The following ZC3H7A variants were observed in gnomAD, a reference collection of about 807,000 sequenced individuals.
ZC3H7A encodes zinc finger CCCH domain-containing protein 7A.
ZC3H7A carries 44 observed loss-of-function variants against 125.5 expected under a neutral mutation model. The ratio of observed to expected loss-of-function variants is 0.35; its 90% CI spans 0.28 to 0.45. The LOEUF (loss-of-function observed/expected upper bound fraction) is 0.45. Ranked by LOEUF, ZC3H7A falls within the 20% of genes least tolerant of loss-of-function variation. ZC3H7A has a pLI of 1.00. For missense variants in ZC3H7A, 977 were observed against 1,170.7 expected, an observed-to-expected ratio of 0.83 and a Z score of 2.41; for synonymous variants, 399 against 391.2, an observed-to-expected ratio of 1.02 and a Z score of -0.23.
intron 1 of ZC3H7A, among the ~76,000 whole-genome samples, chr16:11,788,528 C>G: frequency 6.6e-6 from 1 of 152,166 alleles, no homozygotes; most frequent in East Asian, 1.9e-4. Context: ...TTTGCCCTTC[C>G]GCCCGTTTGC....
chr16:11,763,710 AATATATATATATATATATATATATAT>A (rs55932357), intron 15 of ZC3H7A, 51 bp from the exon 16 acceptor site: 8,303 of 228,692 alleles, frequency 0.036, 489 homozygotes, highest in African/African-American at 0.086. Flanking sequence ...AGATTTTTCA[AATATATATATATATATATATATATAT>A]ATATATATAT....
rs1181814510 is a variant in ZC3H7A, at chr16:11,784,557, C to CA, written c.-34-2170dup. Among the ~76,000 whole-genome samples the CA allele has an allele frequency of 4.0e-5, 6 of 151,824 alleles. No individual in the cohort carries two copies. In the Middle Eastern group the frequency reaches 0.01, roughly 258 times the overall value. On this transcript the variant is annotated intron_variant, in intron 1 of 22. Coordinates refer to ENST00000355758, the MANE Select transcript of ZC3H7A (RefSeq NM_014153.4). The stretch of plus-strand genomic sequence containing the variant: ...AACACAGGGAGACCCCCTATCTCTA[C>CA]AAAAAATTTTAAAAGAGGCCGGGCG...
rs778174564 is a variant in ZC3H7A, at chr16:11,770,966, G to A, written c.925C>T (p.Pro309Ser). 15 of 1,611,140 alleles carry A rather than the reference G, an allele frequency of 9.3e-6. No homozygotes were observed. The highest frequency in any genetic ancestry group is 1.2e-5 in the Non-Finnish European group (14 of 1,179,004). The change falls in exon 10 of 23, where the codon CCC becomes TCC. Residue 309 changes from proline to serine, a missense_variant. Pro to Ser is a moderately conservative substitution (Grantham distance 74). Around this residue, in one of 3 missense-constraint regions of ZC3H7A, gnomAD observed 342 missense variants for 311.3 expected, o/e 1.10. Coordinates refer to ENST00000355758, the MANE Select transcript of ZC3H7A (RefSeq NM_014153.4). ...TVMPSALVRGPLQTASVSPSM... is the reference protein window; with the variant it reads ...TVMPSALVRGSLQTASVSPSM... ...GGAGAGACACTGGCTGTCTGAAGGGGTCCTCTGACTAAAGCTGACGGCTGC... is the reference window on the plus strand; with the variant it reads ...GGAGAGACACTGGCTGTCTGAAGGGATCCTCTGACTAAAGCTGACGGCTGC...
chr16:11,760,791 T>C (rs540285825), intron 19 of ZC3H7A, among the ~76,000 whole-genome samples: 2 of 152,218 alleles, frequency 1.3e-5, no homozygotes, highest in Non-Finnish European at 2.9e-5. Flanking sequence ...GCTCAGACAA[T>C]CATCTTCAAG....
chr16:11,765,144 C>A lies in ZC3H7A; in HGVS notation c.1729G>T (p.Asp577Tyr), dbSNP rs2052832664. The part of the protein sequence containing the change: ...EFIFLCEKCF[D>Y]HKPRMISKRN... ...TTACTTATCATTCTAGGCTTATGAT[C>A]AAAACATTTCTGGAATAGAGAGAGA... is the stretch of plus-strand genomic sequence containing the variant. The change falls in exon 15 of 23, where the codon GAT (aspartate) becomes TAT (tyrosine). Residue 577 changes from aspartate (D) to tyrosine (Y), a missense_variant. Asp to Tyr is a radical substitution (Grantham distance 160). Coordinates refer to ENST00000355758, the MANE Select transcript of ZC3H7A (RefSeq NM_014153.4). This position sits in a 1 kb window ranked among gnomAD's most constrained non-coding sequence, Gnocchi z 4.8. The A allele has an allele frequency of 6.5e-7, 1 of 1,532,822 alleles. No individual in the cohort carries two copies. The highest frequency in any genetic ancestry group is 8.8e-7 in the Non-Finnish European group (1 of 1,135,932). 95.0% of individuals were successfully genotyped at this position (1,532,822 alleles called of 1,614,324 possible). A position where few individuals can be genotyped will look rare whatever the true frequency, so the allele number is the denominator to read the frequency against.
chr16:11,789,495 C>A (rs971866544), intron 1 of ZC3H7A, among the ~76,000 whole-genome samples: 1 of 152,056 alleles, frequency 6.6e-6, no homozygotes, highest in African/African-American at 2.4e-5. Context: ...CTCAGGTGAT[C>A]GGCCTGCCTT....
chr16:11,767,517 A>C lies in ZC3H7A; in HGVS notation c.1422T>G (p.Ile474Met). Residue 474 changes from isoleucine to methionine, a missense_variant, in exon 13 of 23, where the codon ATT becomes ATG. By Grantham distance (10) the Ile-to-Met change is conservative (BLOSUM62 1). This residue lies in a region of ZC3H7A where 342 missense variants were observed against 311.3 expected (regional missense o/e 1.10). Coordinates refer to ENST00000355758, the MANE Select transcript of ZC3H7A (RefSeq NM_014153.4). ...ANIDHKCKKD[I>M]LIGRIKNVED... The stretch of plus-strand genomic sequence containing the variant: ...CAACATTCTTTATCCTACCGATTAA[A>C]ATATCTTTCTTACACTTATGATCTA... 6.2e-7 allele frequency: 1 copy of C among 1,612,798 alleles called. No homozygotes were observed. Among genetic ancestry groups the C allele is most frequent in the South Asian group, 1.1e-5 (1 of 90,896 alleles).
intron 4 of ZC3H7A, among the ~76,000 whole-genome samples, chr16:11,778,762 G>A (rs184703891): frequency 1.3e-5 from 2 of 152,080 alleles, no homozygotes; most frequent in African/African-American, 4.8e-5. Context: ...CGCCCAGGCT[G>A]GAGTGCAGTG....
intron 20 of ZC3H7A, 36 bp downstream of exon 20, chr16:11,758,395 A>C: frequency 6.7e-7 from 1 of 1,485,460 alleles, no homozygotes; most frequent in Non-Finnish European, 9.4e-7. Flanking sequence ...CTTTCAGGCA[A>C]GCTAGCTCAA....
chr16:11,784,012 G>T (rs1238716994), intron 1 of ZC3H7A, among the ~76,000 whole-genome samples: 4 of 151,942 alleles, frequency 2.6e-5, no homozygotes, highest in Non-Finnish European at 5.9e-5. Flanking sequence ...GGAGGAAACA[G>T]CAGAATGCTG....
intron 19 of ZC3H7A, among the ~76,000 whole-genome samples, 189 bp downstream of exon 19, chr16:11,761,213 CCAAT>C (rs1369485509): frequency 6.6e-6 from 1 of 152,044 alleles, no homozygotes; most frequent in African/African-American, 2.4e-5. Flanking sequence ...TCATAAAATT[CCAAT>C]CAATATGAAA....
chr16:11,790,079 C>CAAAAAAAAAAA (rs150579733), intron 1 of ZC3H7A, among the ~76,000 whole-genome samples: 1 of 73,552 alleles, frequency 1.4e-5, no homozygotes, highest in Non-Finnish European at 2.7e-5. Context: ...GACTCCATCT[C>CAAAAAAAAAAA]AAAAAAAAAA....
chr16:11,795,136 A>T (rs2053416391), intron 1 of ZC3H7A, among the ~76,000 whole-genome samples: 1 of 152,142 alleles, frequency 6.6e-6, no homozygotes, highest in Non-Finnish European at 1.5e-5. Context: ...GATAGGGAAA[A>T]TTTTTCAACA....
At chr16:11,777,940 A>T (rs1039207274) in intron 4 of ZC3H7A, among the ~76,000 whole-genome samples, 2 of 150,132 alleles carry the variant, frequency 1.3e-5, no homozygotes, top group Non-Finnish European at 3.0e-5. Context: ...AATCTCTTGA[A>T]CCCGGGAGAC....
Position 11,782,428 on chromosome 16 carries a change from G to C in ZC3H7A, c.-34-40C>G, listed in dbSNP as rs1288268073. 1.9e-6 allele frequency: 3 copies of C among 1,566,042 alleles called. No individual in the cohort carries two copies. In the African/African-American group the frequency reaches 4.1e-5, roughly 21 times the overall value. On this transcript the variant is annotated intron_variant, in intron 1 of 22. Transcript: ENST00000355758. ...GGCAAAAAAGCACATAAGGTACCAG[G>C]GTCCCTGGACTCCAATGAAAACACC... is the stretch of plus-strand genomic sequence containing the variant.
At chr16:11,771,055 A>G in intron 9 of ZC3H7A, 68 bp from the exon 10 acceptor site, 2 of 1,417,528 alleles carry the variant, frequency 1.4e-6, no homozygotes, top group Non-Finnish European at 1.9e-6. Flanking sequence ...ACTACTTTCA[A>G]CACCAGCAAA....
In ZC3H7A at chr16:11,779,362, A is replaced by G; in HGVS notation, c.110T>C (p.Val37Ala). The G allele has an allele frequency of 6.2e-7, 1 of 1,606,376 alleles. No individual in the cohort carries two copies. The highest frequency in any genetic ancestry group is 1.1e-5 in the South Asian group (1 of 88,696). ...ATTTCTCACGAGAGCACGCAAATAT[A>G]CCTAAAAAAAAGAAAGTTACCACTT... Reference protein sequence around the residue: ...SYPGTQEQYAVYLRALVRNLF... With the variant: ...SYPGTQEQYAAYLRALVRNLF... Residue 37 changes from valine (V) to alanine (A), a missense_variant and splice_region_variant, in exon 4 of 23, where the codon GTA (valine) becomes GCA (alanine). Around this residue, in one of 3 missense-constraint regions of ZC3H7A, gnomAD observed 199 missense variants for 256.1 expected, o/e 0.78. Coordinates refer to ENST00000355758, the MANE Select transcript of ZC3H7A (RefSeq NM_014153.4).
chr16:11,774,902 G>T, intron 8 of ZC3H7A, 78 bp downstream of exon 8: 2 of 1,452,570 alleles, frequency 1.4e-6, no homozygotes, highest in South Asian at 1.2e-5. Flanking sequence ...GATATTATTT[G>T]ACAATACATC....
chr16:11,781,280 CAAAAAAATAA>C (rs1198896810), intron 3 of ZC3H7A, 135 bp downstream of exon 3: 1 of 696,822 alleles, frequency 1.4e-6, no homozygotes, highest in Non-Finnish European at 2.2e-6. Context: ...GCTTTATTTG[CAAAAAAATAA>C]AATAAAATAA....
Sources: gnomAD v4.1 joint callset for allele counts (sites outside exome capture counted in the v4.1 genomes callset) on GRCh38, gnomAD v4.1.1 for gene constraint, gnomAD v4.1.1 regional missense constraint, Gnocchi (gnomAD v3.1) non-coding constraint, MANE v1.5 for transcripts, NCBI Gene and HGNC (gene_info 2026-07-23, HGNC 2026-07-21) for gene names.